Variants in LRRC9 observed in about 807,000 individuals in gnomAD.
LRRC9 encodes the protein leucine rich repeat containing 9, also known as leucine-rich repeat-containing protein 9.
In LRRC9, 122 loss-of-function variants were observed where a neutral mutation model predicts 63.2. The ratio of observed to expected loss-of-function variants is 1.93; its 90% CI spans 1.67 to 2.24. LRRC9 has a LOEUF of 2.24. LRRC9 is among the 30% of genes most tolerant of loss of function. The probability of loss-of-function intolerance (pLI) is 0.00; values close to 1 mark genes in which losing one functional copy is unlikely to be tolerated. For missense variants in LRRC9, 1,071 were observed against 627.7 expected (o/e 1.71, Z -7.55); for synonymous variants, 366 against 213.1 (o/e 1.72, Z -6.25).
At chr14:59,963,944 A>G (rs946818790) in intron 10 of LRRC9, among the ~76,000 whole-genome samples, 1 of 152,228 alleles carries the variant, frequency 6.6e-6, no homozygotes, top group African/African-American at 2.4e-5. Context: ...TTGCTAAATG[A>G]GCACATTATT....
chr14:60,038,198 G>A (rs370087433), intron 29 of LRRC9, among the ~76,000 whole-genome samples: 11 of 152,002 alleles, frequency 7.2e-5, no homozygotes, highest in African/African-American at 1.9e-4. Flanking sequence ...GTCAGGTAGC[G>A]TGATGCCTCC....
At chr14:60,009,484 C>A (rs1218982946) in intron 23 of LRRC9, among the ~76,000 whole-genome samples, 1 of 152,170 alleles carries the variant, frequency 6.6e-6, no homozygotes, top group Admixed American at 6.5e-5. Flanking sequence ...CCCCATGATT[C>A]AATTACCTGC....
chr14:60,015,865 G>C (rs913765270), intron 23 of LRRC9, among the ~76,000 whole-genome samples: 4 of 152,148 alleles, frequency 2.6e-5, no homozygotes, highest in Non-Finnish European at 5.9e-5. Context: ...ACTGGTGAAA[G>C]TCTAAGCAGC....
At chr14:59,977,960 A>G in intron 14 of LRRC9, 57 bp from the exon 15 acceptor site, 1 of 660,942 alleles carries the variant, frequency 1.5e-6, no homozygotes, top group South Asian at 1.6e-5. Flanking sequence ...AGAATGAAAA[A>G]GTATGTTTCA....
At chr14:60,008,771 G>A (rs569783982) in intron 23 of LRRC9, among the ~76,000 whole-genome samples, 3 of 152,150 alleles carry the variant, frequency 2.0e-5, no homozygotes, top group Non-Finnish European at 4.4e-5. Context: ...CATGACAAAT[G>A]TGTAAAGAGT....
chr14:60,054,384 G>T (rs1484002014), intron 30 of LRRC9, among the ~76,000 whole-genome samples: 2 of 151,806 alleles, frequency 1.3e-5, no homozygotes, highest in Non-Finnish European at 2.9e-5. Context: ...CTGGATAAAG[G>T]GCACTCTCTC....
intron 25 of LRRC9, among the ~76,000 whole-genome samples, chr14:60,018,723 T>C (rs1890890141): frequency 6.6e-6 from 1 of 151,948 alleles, no homozygotes; most frequent in Admixed American, 6.6e-5. Context: ...AGAGATGGGA[T>C]TGAAGGCAGA....
intron 3 of LRRC9, among the ~76,000 whole-genome samples, chr14:59,929,414 C>CAA (rs200248895): frequency 0.019 from 2,818 of 148,538 alleles, 32 homozygotes; most frequent in African/African-American, 0.021. Context: ...ATTAAAAAGT[C>CAA]AAAAAAAAAA....
At position 59,958,189 on chromosome 14, in the gene LRRC9, G is replaced by A. The variant is rs1883982341; in HGVS notation, c.883-1629G>A. Among the ~76,000 whole-genome samples, 1 of 152,212 alleles carries A rather than the reference G, an allele frequency of 6.6e-6. No homozygotes were observed. On this transcript the variant is annotated intron_variant, in intron 8 of 31. Transcript: ENST00000445360. This position sits in a 1 kb window ranked among gnomAD's most constrained non-coding sequence, Gnocchi z 4.0. ...CGAATCCCTCTTGTCAGGATTAGCT[G>A]CTCTCTTCAGAGCTGGCAGGCAGGA...
chr14:60,029,755 C>T (rs980483139), intron 28 of LRRC9, among the ~76,000 whole-genome samples: 1 of 152,008 alleles, frequency 6.6e-6, no homozygotes, highest in African/African-American at 2.4e-5. Context: ...AGCTAAATGA[C>T]AAATTATATA....
chr14:59,997,346 A>T (rs1034789686), intron 17 of LRRC9, among the ~76,000 whole-genome samples: 3 of 152,146 alleles, frequency 2.0e-5, no homozygotes, highest in African/African-American at 7.2e-5. Context: ...TATATTAAAA[A>T]GTACATTTTG....
chr14:59,967,318 T>C (rs76051042), intron 12 of LRRC9, 105 bp downstream of exon 12: 6,025 of 469,670 alleles, frequency 0.013, 254 homozygotes, highest in East Asian at 0.095. Context: ...TTATAGTAAA[T>C]TTCTACTGCT....
chr14:59,964,611 C>T lies in LRRC9; in HGVS notation c.1212-1978C>T, dbSNP rs1234863350. ...TATATAGCAAAAACTTTATCTAAAACGCCTACAGCCCTAGTTTCTATCAGA... is the reference window on the plus strand; with the variant it reads ...TATATAGCAAAAACTTTATCTAAAATGCCTACAGCCCTAGTTTCTATCAGA... On this transcript the variant is annotated intron_variant, in intron 10 of 31. Coordinates refer to ENST00000445360, the Ensembl canonical transcript of LRRC9. This position sits in a 1 kb window ranked among gnomAD's most constrained non-coding sequence, Gnocchi z 4.4. Among the ~76,000 whole-genome samples, 2 of 152,126 alleles carry T rather than the reference C, an allele frequency of 1.3e-5. No individual in the cohort carries two copies. Among genetic ancestry groups the T allele is most frequent in the African/African-American group, 2.4e-5 (1 of 41,426 alleles).
intron 28 of LRRC9, among the ~76,000 whole-genome samples, 161 bp downstream of exon 28, chr14:60,028,262 A>T (rs1335235294): frequency 6.6e-6 from 1 of 152,040 alleles, no homozygotes; most frequent in African/African-American, 2.4e-5. Context: ...GTGATGCAGA[A>T]ATATCCACCC....
In LRRC9 at chr14:59,944,863, C is replaced by T. The variant is rs1273705787; in HGVS notation, c.882+119C>T. 9.3e-6 allele frequency: 4 copies of T among 428,016 alleles called. No homozygotes were observed. In the Admixed American group the frequency reaches 1.4e-4, roughly 15 times the overall value. The allele number at this position is 428,016 out of a possible 1,614,324, so 26.5% of individuals were successfully genotyped here. ...CACATATATAATACACACACACACACACTCACACACACACACACACACATA... is the reference window on the plus strand; with the variant it reads ...CACATATATAATACACACACACACATACTCACACACACACACACACACATA... On this transcript the variant is annotated intron_variant, in intron 8 of 31. Coordinates refer to ENST00000445360, the Ensembl canonical transcript of LRRC9.
rs1323291659 is a variant in LRRC9 at position 60,053,058 on chromosome 14, T to C, written c.3991-7T>C. 1.4e-6 allele frequency: 1 copy of C among 692,990 alleles called. No homozygotes were observed. Among genetic ancestry groups the C allele is most frequent in the South Asian group, 1.5e-5 (1 of 65,544 alleles). 42.9% of individuals were successfully genotyped at this position (692,990 alleles called of 1,614,324 possible). On this transcript the variant is annotated splice_polypyrimidine_tract_variant and splice_region_variant and intron_variant, in intron 29 of 31. Coordinates refer to ENST00000445360, the Ensembl canonical transcript of LRRC9. This position sits in a 1 kb window ranked among gnomAD's most constrained non-coding sequence, Gnocchi z 4.8. Reference sequence around the variant, plus strand: ...AGGAATAAATTGTTATTTTTAACTTTATTCAGATTTGTAGAAAAATGCTAC... The same window carrying C: ...AGGAATAAATTGTTATTTTTAACTTCATTCAGATTTGTAGAAAAATGCTAC...
intron 26 of LRRC9, among the ~76,000 whole-genome samples, chr14:60,020,342 T>G (rs1401327123): frequency 6.6e-6 from 1 of 151,934 alleles, no homozygotes; most frequent in Non-Finnish European, 1.5e-5. Context: ...TGACAAGTTA[T>G]TTATGCATTT....
intron 7 of LRRC9, among the ~76,000 whole-genome samples, chr14:59,939,770 A>T (rs1329463494): frequency 6.6e-6 from 1 of 151,970 alleles, no homozygotes; most frequent in Non-Finnish European, 1.5e-5. Flanking sequence ...GTTTAGGAGG[A>T]AGAATCATGA....
At chr14:59,998,144 T>C (rs1197800373) in intron 18 of LRRC9, among the ~76,000 whole-genome samples, 3 of 152,080 alleles carry the variant, frequency 2.0e-5, no homozygotes, top group Non-Finnish European at 4.4e-5. Context: ...ATATTTTATA[T>C]AGTTCAGTGT....
Sources: gnomAD v4.1 joint callset for allele counts (sites outside exome capture counted in the v4.1 genomes callset) on GRCh38, gnomAD v4.1.1 for gene constraint, Gnocchi (gnomAD v3.1) non-coding constraint, MANE v1.5 for transcripts, NCBI Gene and HGNC (gene_info 2026-07-23, HGNC 2026-07-21) for gene names.